The following TRIM25 variants were observed in gnomAD, a reference collection of about 807,000 sequenced individuals.
TRIM25 encodes E3 ubiquitin/ISG15 ligase TRIM25.
In TRIM25, 45 loss-of-function variants were observed where a neutral mutation model predicts 65.2. The ratio of observed to expected loss-of-function variants is 0.69; its 90% CI spans 0.54 to 0.89. The LOEUF is 0.89. TRIM25 is among the 40% of genes least tolerant of loss of function. The pLI is 0.00. For missense variants in TRIM25, 714 were observed against 803.7 expected (o/e 0.89, Z 1.35); for synonymous variants, 321 against 340.4 (o/e 0.94, Z 0.63).
intron 8 of TRIM25, among the ~76,000 whole-genome samples, chr17:56,893,376 C>A (rs574582089): frequency 6.6e-6 from 1 of 152,310 alleles, no homozygotes; most frequent in Non-Finnish European, 1.5e-5. Flanking sequence ...TGCACAGCAG[C>A]TCCTGAAAGA....
Position 56,891,138 on chromosome 17 carries a change from G to A in TRIM25, c.*562C>T. ...AGAGGGTATGCCTCTTTAGGAAACT[G>A]TTCTGGGTAGAGACTGCTGTGGGTG... On this transcript the variant is annotated 3_prime_UTR_variant, in exon 9 of 9. Transcript: ENST00000316881. The A allele has an allele frequency of 1.4e-5, 5 of 359,140 alleles. No individual in the cohort carries two copies. The highest frequency in any genetic ancestry group is 1.0e-4 in the South Asian group (5 of 48,002). 22.2% of individuals were successfully genotyped at this position (359,140 alleles called of 1,614,324 possible).
Position 56,908,523 on chromosome 17 carries a change from A to T in TRIM25, c.638T>A (p.Ile213Asn). ...RHKLTVMYSQ[I>N]NGASRALDDV... The stretch of plus-strand genomic sequence containing the variant: ...ATCCAGTGCTCTCGACGCCCCGTTG[A>T]TCTGACTGTACATGACAGTTAGTTT... The change falls in exon 2 of 9, where the codon ATC becomes AAC. Residue 213 changes from isoleucine to asparagine, a missense_variant. Ile to Asn is a moderately radical substitution (Grantham distance 149). Coordinates refer to ENST00000316881, the MANE Select transcript of TRIM25 (RefSeq NM_005082.5). 6.2e-7 allele frequency: 1 copy of T among 1,614,062 alleles called. No individual in the cohort carries two copies. The highest frequency in any genetic ancestry group is 8.5e-7 in the Non-Finnish European group (1 of 1,180,038).
intron 8 of TRIM25, among the ~76,000 whole-genome samples, chr17:56,894,280 G>T (rs995686083): frequency 4.6e-5 from 7 of 152,148 alleles, no homozygotes; most frequent in Admixed American, 3.3e-4. Context: ...ACAGAGTCTC[G>T]CTCTGTTGCC....
chr17:56,893,537 C>T (rs1279850426), intron 8 of TRIM25, among the ~76,000 whole-genome samples: 1 of 152,236 alleles, frequency 6.6e-6, no homozygotes, highest in Admixed American at 6.5e-5. Flanking sequence ...ACCAAGCCTG[C>T]TGCAGCTGCT....
chr17:56,890,173 T>C lies in TRIM25; in HGVS notation c.*1527A>G, dbSNP rs1157997304. 3.7e-6 allele frequency: 1 copy of C among 269,086 alleles called. No individual in the cohort carries two copies. Among genetic ancestry groups the C allele is most frequent in the Non-Finnish European group, 7.1e-6 (1 of 141,518 alleles). The allele number at this position is 269,086 out of a possible 1,614,324, so 16.7% of individuals were successfully genotyped here. ...ATATTATAGGAAGCCTGACAGGAGC[T>C]CTCCTCTAAGCAAAGCCCAGAGTTG... On this transcript the variant is annotated 3_prime_UTR_variant, in exon 9 of 9. Coordinates refer to ENST00000316881, the MANE Select transcript of TRIM25 (RefSeq NM_005082.5).
chr17:56,888,750 G>C lies in TRIM25; in HGVS notation c.*2950C>G, dbSNP rs1909108309. The C allele has an allele frequency of 6.6e-6, 1 of 152,166 alleles. No homozygotes were observed. The highest frequency in any genetic ancestry group is 6.5e-5 in the Admixed American group (1 of 15,282). The allele number at this position is 152,166 out of a possible 1,614,324, so 9.4% of individuals were successfully genotyped here. On this transcript the variant is annotated 3_prime_UTR_variant, in exon 9 of 9. Coordinates refer to ENST00000316881, the MANE Select transcript of TRIM25 (RefSeq NM_005082.5). The stretch of plus-strand genomic sequence containing the variant: ...TTCCCGAAGAGGAACTCTATATAGG[G>C]CAGGACTAAGTGTGCTGGCTATAGG...
intron 5 of TRIM25, among the ~76,000 whole-genome samples, chr17:56,896,272 A>G (rs990485349): frequency 3.9e-5 from 6 of 152,176 alleles, no homozygotes; most frequent in African/African-American, 1.4e-4. Flanking sequence ...GATTTACTGC[A>G]GGGAAAAAAG....
rs1338345286 is a variant in TRIM25 at position 56,888,987 on chromosome 17, A to G, written c.*2713T>C. 6.6e-6 allele frequency: 1 copy of G among 152,246 alleles called. No homozygotes were observed. Among genetic ancestry groups the G allele is most frequent in the Non-Finnish European group, 1.5e-5 (1 of 68,048 alleles). 9.4% of individuals were successfully genotyped at this position (152,246 alleles called of 1,614,324 possible). On this transcript the variant is annotated 3_prime_UTR_variant, in exon 9 of 9. Transcript: ENST00000316881. Reference sequence around the variant, plus strand: ...GTCAGCCAGCCCTGGCCTTGTCTACAGCCATGATTATCTCCTTAAAGAGTT... The same window carrying G: ...GTCAGCCAGCCCTGGCCTTGTCTACGGCCATGATTATCTCCTTAAAGAGTT...
chr17:56,899,528 G>A (rs570517149), intron 4 of TRIM25, among the ~76,000 whole-genome samples: 19 of 152,280 alleles, frequency 1.2e-4, no homozygotes, highest in Admixed American at 3.9e-4. Flanking sequence ...TGAGATCAAG[G>A]TCATGTAGCG....
In TRIM25 at chr17:56,904,238, G is replaced by T; in HGVS notation, c.927+17C>A. Reference sequence around the variant, plus strand: ...AAAAAAAAAAAAAACATTCAACAATGCCTTGTGGCGACCTACCTCCAGAAA... The same window carrying T: ...AAAAAAAAAAAAAACATTCAACAATTCCTTGTGGCGACCTACCTCCAGAAA... On this transcript the variant is annotated intron_variant, in intron 3 of 8. Coordinates refer to ENST00000316881, the MANE Select transcript of TRIM25 (RefSeq NM_005082.5). The T allele has an allele frequency of 6.2e-6, 9 of 1,455,142 alleles. No homozygotes were observed. Among genetic ancestry groups the T allele is most frequent in the African/African-American group, 1.4e-5 (1 of 70,826 alleles). 90.1% of individuals were successfully genotyped at this position (1,455,142 alleles called of 1,614,324 possible).
In TRIM25 at chr17:56,904,294, T is replaced by C. The variant is rs1598076806; in HGVS notation, c.888A>G (p.Glu296=). ...ACTCATCCCTCTTGGTCAGGCTCTG[T>C]TCAATCTCCTCCTTCAAGGTCTGGA... ...SEIQTLKEEI[E]QSLTKRDEFE... is the part of the protein sequence containing the mutation. Residue 296 remains glutamate, a synonymous_variant, in exon 3 of 9, where the codon GAA becomes GAG. Transcript: ENST00000316881. The C allele has an allele frequency of 6.8e-6, 11 of 1,614,100 alleles. 1 individual carries two copies. The East Asian group carries it at 2.5e-4, about 36-fold the overall frequency.
chr17:56,899,323 G>A, intron 4 of TRIM25, 143 bp from the exon 5 acceptor site: 1 of 745,158 alleles, frequency 1.3e-6, no homozygotes. Flanking sequence ...GCTTACAAGA[G>A]CTACAAACAA....
At position 56,913,283 on chromosome 17, in the gene TRIM25, A is replaced by G. The variant is rs1469693661; in HGVS notation, c.597+109T>C. 12 of 994,998 alleles carry G rather than the reference A, an allele frequency of 1.2e-5. No individual in the cohort carries two copies. Among genetic ancestry groups the G allele is most frequent in the Non-Finnish European group, 1.7e-5 (12 of 700,190 alleles). The allele number at this position is 994,998 out of a possible 1,614,324, so 61.6% of individuals were successfully genotyped here. A position where few individuals can be genotyped will look rare whatever the true frequency, so the allele number is the denominator to read the frequency against. ...TTGGAGATGCCCCGGCCTCGAATTC[A>G]GGCCCATCTCCCCAGGGCGTCCAGA... is the stretch of plus-strand genomic sequence containing the variant. On this transcript the variant is annotated intron_variant, in intron 1 of 8. Transcript: ENST00000316881. This position sits in a 1 kb window ranked among gnomAD's most constrained non-coding sequence, Gnocchi z 6.1.
intron 4 of TRIM25, among the ~76,000 whole-genome samples, chr17:56,899,901 G>A (rs1048986336): frequency 3.9e-5 from 6 of 152,222 alleles, no homozygotes; most frequent in South Asian, 2.1e-4. Context: ...ACAACTTAGC[G>A]AGACCCTGGC....
chr17:56,898,274 C>G (rs1262725791), intron 5 of TRIM25, among the ~76,000 whole-genome samples: 1 of 149,336 alleles, frequency 6.7e-6, no homozygotes, highest in Non-Finnish European at 1.5e-5. Context: ...ATATGAACAT[C>G]TCAGCGGTAT....
rs565278074 is a variant in TRIM25, at chr17:56,899,650, C to T, written c.1088-470G>A. On this transcript the variant is annotated intron_variant, in intron 4 of 8. Transcript: ENST00000316881. Reference sequence around the variant, plus strand: ...CAGCACTTCCACAATGGGGCTGCACCGCCACCGATTTCAGAAGCCCTTCTG... The same window carrying T: ...CAGCACTTCCACAATGGGGCTGCACTGCCACCGATTTCAGAAGCCCTTCTG... Among the ~76,000 whole-genome samples, 190 of 152,348 alleles carry T rather than the reference C, an allele frequency of 1.2e-3. 1 individual carries two copies. The highest frequency in any genetic ancestry group is 4.4e-3 in the African/African-American group (182 of 41,574).
At chr17:56,901,625 G>C in intron 3 of TRIM25, 47 bp from the exon 4 acceptor site, 1 of 1,609,182 alleles carries the variant, frequency 6.2e-7, no homozygotes, top group East Asian at 2.2e-5. Context: ...GTGAAACGGG[G>C]ACCTGGGCTC....
At chr17:56,909,306 G>A (rs1236035742) in intron 1 of TRIM25, among the ~76,000 whole-genome samples, 1 of 152,122 alleles carries the variant, frequency 6.6e-6, no homozygotes, top group Non-Finnish European at 1.5e-5. Context: ...AAGGCTGGGA[G>A]CCTTTGTCAG....
rs1190012057 is a variant in TRIM25 at position 56,913,748 on chromosome 17, G to A, written c.241C>T (p.Leu81=). ...ACGTCGGCGGGTGGCTCCCGGGCCA[G>A]GTCGGCCTGCAGGAACTGCTCCACC... The part of the protein sequence containing the change: ...NVVEQFLQAD[L]AREPPADVWT... The change falls in exon 1 of 9, where the codon CTG becomes TTG. Residue 81 remains leucine, a synonymous_variant. Coordinates refer to ENST00000316881, the MANE Select transcript of TRIM25 (RefSeq NM_005082.5). This position sits in a 1 kb window ranked among gnomAD's most constrained non-coding sequence, Gnocchi z 6.1. 3.9e-6 allele frequency: 6 copies of A among 1,550,236 alleles called. No homozygotes were observed. The highest frequency in any genetic ancestry group is 1.2e-5 in the South Asian group (1 of 82,160).
Sources: allele counts gnomAD v4.1 joint callset (sites outside exome capture counted in the v4.1 genomes callset), GRCh38; gene constraint gnomAD v4.1.1; non-coding constraint Gnocchi (gnomAD v3.1); transcripts MANE v1.5; gene names NCBI Gene and HGNC (gene_info 2026-07-23, HGNC 2026-07-21).